ERN2: variants seen among roughly 807,000 people sequenced by gnomAD.
The protein encoded by ERN2 is serine/threonine-protein kinase/endoribonuclease IRE2.
ERN2 carries 111 observed loss-of-function variants against 107.9 expected under a neutral mutation model. The ratio of observed to expected loss-of-function variants is 1.03; its 90% confidence interval spans 0.88 to 1.20. The LOEUF (loss-of-function observed/expected upper bound fraction) is 1.20, where lower values mean the gene tolerates loss of function less well. Ranked by LOEUF, ERN2 falls within the 50% of genes most tolerant of loss-of-function variation. The pLI, the probability that ERN2 is intolerant of heterozygous loss-of-function variation, is 0.00. For missense variants in ERN2, 1,225 were observed against 1,197.9 expected (o/e 1.02, Z -0.33); for synonymous variants, 524 against 501.7 (o/e 1.04, Z -0.59).
chr16:23,710,439 T>C, intron 3 of ERN2, 77 bp downstream of exon 3: 1 of 1,500,826 alleles, frequency 6.7e-7, no homozygotes, highest in Non-Finnish European at 9.3e-7. Flanking sequence ...CTGCCCCACA[T>C]ACAAACTCTC....
intron 6 of ERN2, 44 bp from the exon 7 acceptor site, chr16:23,706,475 G>A (rs2141020101): frequency 1.4e-6 from 2 of 1,417,182 alleles, no homozygotes; most frequent in Non-Finnish European, 9.8e-7. Flanking sequence ...TCCATTTGAT[G>A]CTCCCTCCAA....
chr16:23,707,561 A>T (rs1960369573), intron 4 of ERN2, among the ~76,000 whole-genome samples: 1 of 152,132 alleles, frequency 6.6e-6, no homozygotes, highest in Admixed American at 6.5e-5. Context: ...AGAAAAAAAA[A>T]AAAATTTGCT....
Position 23,705,070 on chromosome 16 carries a change from G to A in ERN2, c.667C>T (p.Gln223Ter). 2 of 1,614,014 alleles carry A rather than the reference G, an allele frequency of 1.2e-6. No individual in the cohort carries two copies. Among genetic ancestry groups the A allele is most frequent in the South Asian group, 2.2e-5 (2 of 91,072 alleles). The change falls in exon 8 of 22, where the codon CAG becomes TAG. Residue 223 changes from glutamine (Q) to a stop codon, truncating the protein, a stop_gained. Coordinates refer to ENST00000256797, the MANE Select transcript of ERN2 (RefSeq NM_033266.4). LOFTEE classifies it high-confidence loss of function. ...DPGSGTVLWT[Q>*]DLGVPVMGVY... is the part of the protein sequence containing the mutation. ...CCCATCACAGGCACGCCCAGGTCCTGTGTCCACAGCACCGTCCCGCTTCCT... is the reference window on the plus strand; with the variant it reads ...CCCATCACAGGCACGCCCAGGTCCTATGTCCACAGCACCGTCCCGCTTCCT...
Position 23,702,480 on chromosome 16 carries a change from G to C in ERN2, c.991C>G (p.Gln331Glu). Reference sequence around the variant, plus strand: ...GAGCCCTCTCGCTCTCCTGAGACTTGGAGTGTCACCTCATCTGTGGTGGGG... The same window carrying C: ...GAGCCCTCTCGCTCTCCTGAGACTTCGAGTGTCACCTCATCTGTGGTGGGG... ...DGPTTDEVTL[Q>E]VSGEREGSPS... Residue 331 changes from glutamine to glutamate, a missense_variant, in exon 10 of 22, where the codon CAA becomes GAA. Gln to Glu is a conservative substitution (Grantham distance 29). Coordinates refer to ENST00000256797, the MANE Select transcript of ERN2 (RefSeq NM_033266.4). The C allele has an allele frequency of 6.2e-7, 1 of 1,613,636 alleles. No homozygotes were observed. Among genetic ancestry groups the C allele is most frequent in the Non-Finnish European group, 8.5e-7 (1 of 1,180,018 alleles).
chr16:23,694,662 G>T, intron 17 of ERN2, 66 bp downstream of exon 17: 1 of 1,375,698 alleles, frequency 7.3e-7, no homozygotes, highest in Non-Finnish European at 9.8e-7. Flanking sequence ...AGGGGAACTG[G>T]GACAGGGACG....
intron 13 of ERN2, 54 bp from the exon 14 acceptor site, chr16:23,696,032 A>G (rs1959813720): frequency 1.5e-6 from 2 of 1,357,168 alleles, no homozygotes; most frequent in Non-Finnish European, 2.1e-6. Flanking sequence ...TTTGCCGGCC[A>G]CTGGCCCAGT....
At chr16:23,693,294 T>C (rs542267921) in intron 17 of ERN2, among the ~76,000 whole-genome samples, 1 of 151,714 alleles carries the variant, frequency 6.6e-6, no homozygotes, top group Non-Finnish European at 1.5e-5. Flanking sequence ...CTCAAAAATA[T>C]ATATATATAG....
intron 8 of ERN2, 109 bp from the exon 9 acceptor site, chr16:23,702,811 T>A: frequency 1.1e-6 from 1 of 937,082 alleles, no homozygotes. Context: ...TGACTCAGCT[T>A]AGCCATGAGA....
rs527460727 is a variant in ERN2, at chr16:23,693,605, T to A, written c.2100+1123A>T. 1.5e-3 allele frequency among the ~76,000 whole-genome samples: 223 copies of A among 150,744 alleles called. 1 individual carries two copies. The highest frequency in any genetic ancestry group is 5.1e-3 in the African/African-American group (207 of 40,928). On this transcript the variant is annotated intron_variant, in intron 17 of 21. Coordinates refer to ENST00000256797, the MANE Select transcript of ERN2 (RefSeq NM_033266.4). Reference sequence around the variant, plus strand: ...ACTCCATCTCAAAAAAAAAAAAATATATATATATATAGGCCACTAATTTAA... The same window carrying A: ...ACTCCATCTCAAAAAAAAAAAAATAAATATATATATAGGCCACTAATTTAA...
At chr16:23,707,638 C>G (rs1377649559) in intron 4 of ERN2, among the ~76,000 whole-genome samples, 1 of 152,128 alleles carries the variant, frequency 6.6e-6, no homozygotes, top group East Asian at 1.9e-4. Context: ...TCGCTTAAGT[C>G]CAGGAGTTCA....
At chr16:23,702,352 A>G (rs1430096269) in intron 10 of ERN2, 38 bp downstream of exon 10, 1 of 1,610,952 alleles carries the variant, frequency 6.2e-7, no homozygotes, top group South Asian at 1.1e-5. Flanking sequence ...CAGGTTCTTT[A>G]TCTTCATCTA....
At chr16:23,705,956 G>C (rs1257631708) in intron 7 of ERN2, among the ~76,000 whole-genome samples, 1 of 152,084 alleles carries the variant, frequency 6.6e-6, no homozygotes, top group African/African-American at 2.4e-5. Flanking sequence ...TGGGGAGTCG[G>C]TCTATGGAAG....
chr16:23,705,929 G>A (rs1960287057), intron 7 of ERN2, among the ~76,000 whole-genome samples: 1 of 152,106 alleles, frequency 6.6e-6, no homozygotes, highest in Non-Finnish European at 1.5e-5. Context: ...AAATGGTGGG[G>A]AGTGGTCGGG....
chr16:23,694,917 G>A lies in ERN2; in HGVS notation c.1911C>T (p.Asp637=). ...TGATGAGAATATTTCCTGGCTTCAG[G>A]TCCCGGTGCACTGTGGGAGAGGGGC... ...HLHSLHIVHR[D]LKPGNILITG... is the part of the protein sequence containing the mutation. Residue 637 remains aspartate (D), a synonymous_variant, in exon 17 of 22, where the codon GAC becomes GAT. Coordinates refer to ENST00000256797, the MANE Select transcript of ERN2 (RefSeq NM_033266.4). The A allele has an allele frequency of 6.2e-7, 1 of 1,614,214 alleles. No homozygotes were observed. The highest frequency in any genetic ancestry group is 1.1e-5 in the South Asian group (1 of 91,084).
In ERN2 at chr16:23,691,167, TCC is replaced by T; in HGVS notation, c.2528_2529del (p.Gly843AspfsTer23). ...TDLRKFRSYK[G>X]TSVRDLLRAV... ...GCACGGAGCAGGTCTCGCACTGATG[TCC>T]CCTTATAGGACCGGAACTTTCTCAG... On this transcript the variant is annotated frameshift_variant, in exon 21 of 22. Transcript: ENST00000256797. LOFTEE classifies it low-confidence loss of function (END_TRUNC). 6.2e-7 allele frequency: 1 copy of T among 1,613,938 alleles called. No homozygotes were observed. The highest frequency in any genetic ancestry group is 1.1e-5 in the South Asian group (1 of 91,062).
At chr16:23,694,202 A>G (rs1959709677) in intron 17 of ERN2, among the ~76,000 whole-genome samples, 1 of 152,016 alleles carries the variant, frequency 6.6e-6, no homozygotes, top group South Asian at 2.1e-4. Flanking sequence ...TCCCTAGGTT[A>G]CCCAGGCTGG....
chr16:23,712,208 G>A (rs906686150), intron 1 of ERN2: 2 of 217,590 alleles, frequency 9.2e-6, no homozygotes, highest in African/African-American at 4.7e-5. Context: ...TCTGCAGCAT[G>A]GCAGGAGGGA....
At position 23,705,016 on chromosome 16, in the gene ERN2, G is replaced by T. The variant is rs773081932; in HGVS notation, c.721C>A (p.Arg241Ser). 3.1e-6 allele frequency: 5 copies of T among 1,613,950 alleles called. No homozygotes were observed. In the African/African-American group the frequency reaches 6.7e-5, roughly 22 times the overall value. The change falls in exon 8 of 22, where the codon CGC becomes AGC. Residue 241 changes from arginine (R) to serine (S), a missense_variant. Physicochemically the swap from Arg to Ser is moderately radical, Grantham distance 110 (BLOSUM62 -1). Transcript: ENST00000256797. ...GVYTWHQDGL[R>S]QLPHLTLARD... ...GCCAGCGTGAGATGCGGCAGCTGGCGCAGGCCGTCCTGGTGCCAGGTGTAG... is the reference window on the plus strand; with the variant it reads ...GCCAGCGTGAGATGCGGCAGCTGGCTCAGGCCGTCCTGGTGCCAGGTGTAG...
At chr16:23,704,446 C>T (rs1960214736) in intron 8 of ERN2, among the ~76,000 whole-genome samples, 1 of 152,192 alleles carries the variant, frequency 6.6e-6, no homozygotes, top group African/African-American at 2.4e-5. Context: ...AGTTTCCCTG[C>T]ACAAGCTTCT....
Sources: gnomAD v4.1 joint callset for allele counts (sites outside exome capture counted in the v4.1 genomes callset) on GRCh38, gnomAD v4.1.1 for gene constraint, MANE v1.5 for transcripts, NCBI Gene and HGNC (gene_info 2026-07-23, HGNC 2026-07-21) for gene names.